The following BMPR1B variants were observed in gnomAD, a reference collection of about 807,000 sequenced individuals.
BMPR1B encodes bone morphogenetic protein receptor type 1B.
Under a neutral mutation model 59.1 loss-of-function variants are expected in BMPR1B, and 12 were observed. The ratio of observed to expected loss-of-function variants is 0.20; its 90% confidence interval spans 0.13 to 0.33. The LOEUF is 0.33. Among genes scored for constraint, BMPR1B ranks in the 10% least tolerant of loss-of-function variants. The pLI is 1.00. For synonymous variants in BMPR1B, 237 were observed against 207.3 expected (o/e 1.14, Z -1.23); for missense variants, 550 against 610.9 (o/e 0.90, Z 1.05).
At chr4:94,879,886 A>C (rs960541969) in intron 2 of BMPR1B, among the ~76,000 whole-genome samples, 1 of 152,206 alleles carries the variant, frequency 6.6e-6, no homozygotes, top group Non-Finnish European at 1.5e-5. Flanking sequence ...GTATATTGAA[A>C]ATACTGTGGT....
intron 1 of BMPR1B, among the ~76,000 whole-genome samples, chr4:94,817,437 T>C (rs1724051978): frequency 6.6e-6 from 1 of 152,318 alleles, no homozygotes; most frequent in Non-Finnish European, 1.5e-5. Context: ...TTTCTACTTT[T>C]CCTGCTTTGA....
intron 2 of BMPR1B, among the ~76,000 whole-genome samples, chr4:94,915,592 AT>A (rs1460491110): frequency 6.6e-6 from 1 of 152,192 alleles, no homozygotes; most frequent in Admixed American, 6.5e-5. Flanking sequence ...TGTTTTTGAA[AT>A]CGACACAATT....
intron 2 of BMPR1B, among the ~76,000 whole-genome samples, chr4:94,956,714 G>A (rs1283859307): frequency 6.6e-6 from 1 of 152,100 alleles, no homozygotes; most frequent in Admixed American, 6.6e-5. Flanking sequence ...ATGAATTATG[G>A]ATCATTGGCA....
chr4:94,898,310 A>T (rs16996449), intron 2 of BMPR1B, among the ~76,000 whole-genome samples: 5 of 151,892 alleles, frequency 3.3e-5, no homozygotes, highest in Non-Finnish European at 7.4e-5. Context: ...CTTAGACTAG[A>T]TATTCTCTTC....
rs759069589 is a variant in BMPR1B, at chr4:94,972,253, A to G, written c.-112-23787A>G. Among the ~76,000 whole-genome samples the G allele has an allele frequency of 3.3e-5, 5 of 151,632 alleles. No individual in the cohort carries two copies. The South Asian group carries it at 8.4e-4, about 25-fold the overall frequency. ...ACTTAAAATATATAATTTGTGTTCA[A>G]TTTCTTCTCTTGCTAGCTGTAACAT... On this transcript the variant is annotated intron_variant, in intron 2 of 12. Coordinates refer to ENST00000515059, the MANE Select transcript of BMPR1B (RefSeq NM_001203.3).
Position 94,775,465 on chromosome 4 carries a change from G to T in BMPR1B, c.-183+17397G>T, listed in dbSNP as rs28655450. 7.5e-3 allele frequency among the ~76,000 whole-genome samples: 1,141 copies of T among 152,216 alleles called. 14 individuals carry two copies. Among genetic ancestry groups the T allele is most frequent in the African/African-American group, 0.026 (1,093 of 41,534 alleles). On this transcript the variant is annotated intron_variant, in intron 1 of 12. Transcript: ENST00000515059. ...AACGAAGCTCTTTAGCAACAAAGTT[G>T]TTTCCTTTTTTTCCAATTTAAGATA...
At chr4:94,827,748 T>C (rs1184495868) in intron 1 of BMPR1B, among the ~76,000 whole-genome samples, 1 of 152,156 alleles carries the variant, frequency 6.6e-6, no homozygotes. Flanking sequence ...ATTTTAAATA[T>C]TTATTTATTT....
intron 2 of BMPR1B, among the ~76,000 whole-genome samples, chr4:94,957,079 A>G (rs1322559911): frequency 6.6e-6 from 1 of 152,228 alleles, no homozygotes; most frequent in Non-Finnish European, 1.5e-5. Flanking sequence ...CAGATAATCA[A>G]TAGGGCAAGT....
intron 3 of BMPR1B, among the ~76,000 whole-genome samples, chr4:95,077,549 T>A (rs149190333): frequency 6.6e-6 from 1 of 152,200 alleles, no homozygotes; most frequent in Non-Finnish European, 1.5e-5. Flanking sequence ...TAATGGTTTG[T>A]TGATAAGCCA....
At chr4:94,876,176 G>T (rs1391334747) in intron 2 of BMPR1B, among the ~76,000 whole-genome samples, 4 of 152,172 alleles carry the variant, frequency 2.6e-5, no homozygotes, top group African/African-American at 9.7e-5. Flanking sequence ...CACTTAGTCT[G>T]TTCCTCAAAC....
At chr4:94,848,826 A>C (rs1176115000) in intron 1 of BMPR1B, among the ~76,000 whole-genome samples, 1 of 152,170 alleles carries the variant, frequency 6.6e-6, no homozygotes, top group Non-Finnish European at 1.5e-5. Context: ...TTTAAAGGAC[A>C]AATAGAAAGG....
intron 10 of BMPR1B, among the ~76,000 whole-genome samples, chr4:95,133,878 G>GT (rs35735765): frequency 0.46 from 68,708 of 149,202 alleles, 16,883 homozygotes; most frequent in Admixed American, 0.59. Context: ...CCCACCTGCT[G>GT]TTTTTTTTTT....
At chr4:95,120,595 A>T (rs1435550949) in intron 6 of BMPR1B, among the ~76,000 whole-genome samples, 2 of 101,264 alleles carry the variant, frequency 2.0e-5, no homozygotes, top group Non-Finnish European at 4.4e-5. Flanking sequence ...ACAAAAAATC[A>T]GTCAATAGCC....
At chr4:95,142,947 C>T (rs748910508) in intron 10 of BMPR1B, among the ~76,000 whole-genome samples, 70 of 151,942 alleles carry the variant, frequency 4.6e-4, no homozygotes, top group Non-Finnish European at 7.9e-4. Flanking sequence ...TAAAAAACTC[C>T]CCCTTACTCC....
chr4:95,112,054 T>C (rs1731665415), intron 4 of BMPR1B, among the ~76,000 whole-genome samples: 1 of 152,134 alleles, frequency 6.6e-6, no homozygotes, highest in Non-Finnish European at 1.5e-5. Context: ...TTCATTTTGC[T>C]ATCACTTTTC....
intron 3 of BMPR1B, among the ~76,000 whole-genome samples, chr4:95,065,639 T>C (rs954198676): frequency 2.0e-5 from 3 of 152,170 alleles, no homozygotes; most frequent in Non-Finnish European, 2.9e-5. Context: ...TCTTATCCAT[T>C]TTTAAATATA....
At chr4:95,065,545 G>A (rs1490450692) in intron 3 of BMPR1B, among the ~76,000 whole-genome samples, 1 of 152,108 alleles carries the variant, frequency 6.6e-6, no homozygotes, top group African/African-American at 2.4e-5. Context: ...GTACTCATTT[G>A]ACTTCATTCT....
chr4:94,835,314 C>T (rs1262266619), intron 1 of BMPR1B, among the ~76,000 whole-genome samples: 2 of 152,248 alleles, frequency 1.3e-5, no homozygotes, highest in East Asian at 1.9e-4. Context: ...GGATTACAAA[C>T]GTGTACCACC....
At chr4:94,872,655 G>A (rs953706222) in intron 1 of BMPR1B, among the ~76,000 whole-genome samples, 3 of 152,158 alleles carry the variant, frequency 2.0e-5, no homozygotes, top group Non-Finnish European at 4.4e-5. Flanking sequence ...GGCTGAGGTG[G>A]GAGGATCGCT....
Sources: gnomAD v4.1 joint callset for allele counts (sites outside exome capture counted in the v4.1 genomes callset) on GRCh38, gnomAD v4.1.1 for gene constraint, MANE v1.5 for transcripts, NCBI Gene and HGNC (gene_info 2026-07-23, HGNC 2026-07-21) for gene names.